LRGUK: variants seen among roughly 807,000 people sequenced by gnomAD.
LRGUK encodes leucine rich repeats and guanylate kinase domain containing.
In LRGUK, 65 loss-of-function variants were observed where a neutral mutation model predicts 76.0. The ratio of observed to expected loss-of-function variants is 0.85; its 90% CI spans 0.70 to 1.05. The LOEUF is 1.05. Among genes scored for constraint, LRGUK ranks in the 50% least tolerant of loss-of-function variants. The pLI, the probability that LRGUK is intolerant of heterozygous loss-of-function variation, is 0.00. For synonymous variants in LRGUK, 268 were observed against 265.6 expected, an observed-to-expected ratio of 1.01 and a Z score of -0.09; for missense variants, 758 against 732.8, an observed-to-expected ratio of 1.03 and a Z score of -0.40.
intron 19 of LRGUK, among the ~76,000 whole-genome samples, chr7:134,263,016 T>A (rs1802774274): frequency 6.6e-6 from 1 of 152,066 alleles, no homozygotes; most frequent in Non-Finnish European, 1.5e-5. Context: ...TTTCTTTTCT[T>A]TTGCTGATAA....
chr7:134,191,350 T>C (rs1160607492), intron 11 of LRGUK, among the ~76,000 whole-genome samples: 3 of 152,096 alleles, frequency 2.0e-5, no homozygotes, highest in Non-Finnish European at 4.4e-5. Flanking sequence ...AATAGTTGAG[T>C]GATAAGTATT....
At chr7:134,257,659 A>T (rs1157563734) in intron 18 of LRGUK, among the ~76,000 whole-genome samples, 1 of 152,082 alleles carries the variant, frequency 6.6e-6, no homozygotes, top group African/African-American at 2.4e-5. Context: ...TACAAAAATT[A>T]GCCAGGCAAT....
intron 8 of LRGUK, 113 bp from the exon 9 acceptor site, chr7:134,176,864 T>TG: frequency 1.6e-6 from 1 of 632,908 alleles, no homozygotes; most frequent in Non-Finnish European, 2.9e-6. Context: ...AGGGTGTGTG[T>TG]GGGAATGATG....
chr7:134,205,548 A>G (rs1378185263), intron 15 of LRGUK, among the ~76,000 whole-genome samples: 1 of 152,226 alleles, frequency 6.6e-6, no homozygotes, highest in East Asian at 1.9e-4. Flanking sequence ...GAAATAAAAA[A>G]CAATAGTTTT....
chr7:134,148,082 A>G (rs1458074807), intron 4 of LRGUK, among the ~76,000 whole-genome samples, 156 bp from the exon 5 acceptor site: 1 of 142,138 alleles, frequency 7.0e-6, no homozygotes, highest in Non-Finnish European at 1.5e-5. Context: ...AAAAAAAAAG[A>G]TTAAAGACAG....
intron 1 of LRGUK, 80 bp from the exon 2 acceptor site, chr7:134,136,943 A>C (rs1797563845): frequency 8.4e-7 from 1 of 1,189,004 alleles, no homozygotes; most frequent in Non-Finnish European, 1.2e-6. Context: ...TATACTAAAT[A>C]AGTGCTGGAT....
exon 1 of LRGUK, chr7:134,127,444 G>A (rs767934008): frequency 1.2e-6 from 2 of 1,613,934 alleles, no homozygotes; most frequent in Non-Finnish European, 8.5e-7. Flanking sequence ...TCCCGAACTG[G>A]AGCCCGATCG....
chr7:134,251,356 G>C (rs1802441051), intron 18 of LRGUK, among the ~76,000 whole-genome samples: 1 of 152,144 alleles, frequency 6.6e-6, no homozygotes, highest in African/African-American at 2.4e-5. Context: ...ACCAAAGCTT[G>C]CCAGCAAACC....
chr7:134,258,506 T>G (rs1011075239), intron 19 of LRGUK, 101 bp downstream of exon 19: 52 of 1,116,438 alleles, frequency 4.7e-5, no homozygotes, highest in Non-Finnish European at 6.0e-5. Context: ...GAGACCAGCC[T>G]GGCCAAAATT....
chr7:134,159,002 A>C (rs570945869), intron 6 of LRGUK, among the ~76,000 whole-genome samples: 3 of 152,064 alleles, frequency 2.0e-5, no homozygotes, highest in Admixed American at 6.6e-5. Context: ...TAAATTTCTT[A>C]CAAGAACTAT....
intron 15 of LRGUK, among the ~76,000 whole-genome samples, chr7:134,201,974 A>G (rs1330339093): frequency 2.6e-5 from 4 of 152,096 alleles, no homozygotes; most frequent in African/African-American, 7.2e-5. Context: ...GCGTTACCCG[A>G]GTCCTCAAAA....
intron 18 of LRGUK, 132 bp downstream of exon 18, chr7:134,249,208 G>C: frequency 9.7e-7 from 1 of 1,027,956 alleles, no homozygotes; most frequent in Non-Finnish European, 1.3e-6. Flanking sequence ...TGTAGAATTT[G>C]AAGGGAGTAG....
At chr7:134,132,038 G>T (rs1403888797) in intron 1 of LRGUK, among the ~76,000 whole-genome samples, 1 of 152,160 alleles carries the variant, frequency 6.6e-6, no homozygotes, top group Non-Finnish European at 1.5e-5. Flanking sequence ...CTATATGATA[G>T]GGAAGCCAAG....
intron 4 of LRGUK, among the ~76,000 whole-genome samples, chr7:134,146,461 GA>G (rs1797974289): frequency 6.6e-6 from 1 of 152,220 alleles, no homozygotes; most frequent in South Asian, 2.1e-4. Context: ...TTCTATAGAA[GA>G]AAAAAGTGAA....
Position 134,258,390 on chromosome 7 carries a change from G to A in LRGUK, c.2332G>A (p.Glu778Lys), listed in dbSNP as rs149043647. ...ATCAGGAGCCAGTGACAGTGAGACCGAAGAGACCCGGAAAGGTATGAGTTA... is the reference window on the plus strand; with the variant it reads ...ATCAGGAGCCAGTGACAGTGAGACCAAAGAGACCCGGAAAGGTATGAGTTA... Residue 778 changes from glutamate (E) to lysine (K), a missense_variant, in exon 19 of 20, where the codon GAA (glutamate) becomes AAA (lysine). Coordinates refer to the LRGUK transcript ENST00000285928. 5.0e-5 allele frequency: 80 copies of A among 1,613,838 alleles called. 1 individual carries two copies. In the African/African-American group the frequency reaches 7.3e-4, roughly 15 times the overall value.
chr7:134,166,385 T>C (rs1436071409), intron 7 of LRGUK, among the ~76,000 whole-genome samples: 1 of 152,188 alleles, frequency 6.6e-6, no homozygotes, highest in Non-Finnish European at 1.5e-5. Context: ...TTTTATATCA[T>C]TTCCAGCATT....
intron 15 of LRGUK, 111 bp from the exon 16 acceptor site, chr7:134,221,668 T>G (rs1057076154): frequency 2.8e-6 from 2 of 721,218 alleles, no homozygotes; most frequent in African/African-American, 3.7e-5. Flanking sequence ...TGCGCACATT[T>G]TAAGTATCCA....
intron 16 of LRGUK, among the ~76,000 whole-genome samples, chr7:134,231,265 G>T (rs1218292434): frequency 1.3e-5 from 2 of 152,098 alleles, no homozygotes; most frequent in East Asian, 1.9e-4. Context: ...AGTCAAAGGA[G>T]GTGTGGCCAT....
downstream of LRGUK, among the ~76,000 whole-genome samples, chr7:134,265,620 A>C (rs1170781091): frequency 6.6e-6 from 1 of 152,160 alleles, no homozygotes; most frequent in Non-Finnish European, 1.5e-5. Context: ...GGATTAAACT[A>C]TGCTCCCTAC....
Sources: gnomAD v4.1 joint callset for allele counts (sites outside exome capture counted in the v4.1 genomes callset) on GRCh38, gnomAD v4.1.1 for gene constraint, MANE v1.5 for transcripts, NCBI Gene and HGNC (gene_info 2026-07-23, HGNC 2026-07-21) for gene names.